Variants in KALRN observed in about 807,000 individuals in gnomAD.
KALRN encodes kalirin.
In KALRN, 70 loss-of-function variants were observed where a neutral mutation model predicts 353.7. The observed-to-expected ratio is 0.20, with a 90% CI of 0.16 to 0.24. The LOEUF (loss-of-function observed/expected upper bound fraction) is 0.24, where lower values mean the gene tolerates loss of function less well. KALRN is among the 10% of genes least tolerant of loss of function. The probability of loss-of-function intolerance (pLI) is 1.00; values close to 1 mark genes in which losing one functional copy is unlikely to be tolerated. For missense variants in KALRN, 2,791 were observed against 3,756.7 expected, an observed-to-expected ratio of 0.74 and a Z score of 6.72; for synonymous variants, 1,391 against 1,434.8, an observed-to-expected ratio of 0.97 and a Z score of 0.69.
intron 2 of KALRN, among the ~76,000 whole-genome samples, chr3:124,228,746 C>T (rs2078848227): frequency 6.6e-6 from 1 of 152,154 alleles, no homozygotes; most frequent in African/African-American, 2.4e-5. Flanking sequence ...CTTGCAACAA[C>T]AGAAAGTCAT....
At chr3:124,173,155 A>T (rs2072129816) in intron 1 of KALRN, among the ~76,000 whole-genome samples, 1 of 152,206 alleles carries the variant, frequency 6.6e-6, no homozygotes, top group South Asian at 2.1e-4. Flanking sequence ...AGAAGGAAGT[A>T]AATTAAAAAT....
intron 37 of KALRN, among the ~76,000 whole-genome samples, chr3:124,650,279 A>G (rs1002132484): frequency 4.6e-5 from 7 of 152,330 alleles, no homozygotes; most frequent in Non-Finnish European, 1.0e-4. Flanking sequence ...TTGTACAGCT[A>G]TTATCTCGGC....
At chr3:124,697,237 T>C (rs1044558657) in intron 54 of KALRN, among the ~76,000 whole-genome samples, 3 of 152,196 alleles carry the variant, frequency 2.0e-5, no homozygotes, top group African/African-American at 7.2e-5. Context: ...CCCTGCGACC[T>C]GGGGGAGAAA....
At chr3:124,361,240 A>C (rs1345600844) in intron 10 of KALRN, among the ~76,000 whole-genome samples, 1 of 152,204 alleles carries the variant, frequency 6.6e-6, no homozygotes, top group Non-Finnish European at 1.5e-5. Context: ...TTTTTTTCTA[A>C]AGGAAGTTTC....
At chr3:124,287,062 T>C (rs1477677870) in intron 5 of KALRN, among the ~76,000 whole-genome samples, 1 of 152,218 alleles carries the variant, frequency 6.6e-6, no homozygotes, top group African/African-American at 2.4e-5. Context: ...TATCTTTTTA[T>C]TAATCCTAGT....
At chr3:124,069,948 C>T (rs1006784266) in intron 1 of KALRN, among the ~76,000 whole-genome samples, 13 of 151,918 alleles carry the variant, frequency 8.6e-5, no homozygotes, top group East Asian at 1.9e-4. Context: ...GGCTGCTGTG[C>T]GAATGGGCTT....
At chr3:124,290,065 T>G (rs1035330690) in intron 5 of KALRN, among the ~76,000 whole-genome samples, 1 of 152,172 alleles carries the variant, frequency 6.6e-6, no homozygotes, top group African/African-American at 2.4e-5. Flanking sequence ...ATTGGAGGAT[T>G]GGTAAGCTTT....
chr3:124,688,310 C>CA (rs59265829), intron 51 of KALRN, among the ~76,000 whole-genome samples: 10,524 of 82,938 alleles, frequency 0.13, 792 homozygotes, highest in East Asian at 0.34. Context: ...GAGACCCTGT[C>CA]AAAAAAAAAA....
chr3:124,496,012 T>TATACACAC (rs1345047394), intron 32 of KALRN, among the ~76,000 whole-genome samples: 4 of 43,698 alleles, frequency 9.2e-5, no homozygotes, highest in Admixed American at 2.8e-4. Context: ...TATATATATA[T>TATACACAC]ACACACACAT....
At chr3:124,568,719 A>T (rs1212322896) in intron 34 of KALRN, among the ~76,000 whole-genome samples, 2 of 152,250 alleles carry the variant, frequency 1.3e-5, no homozygotes, top group East Asian at 3.8e-4. Flanking sequence ...GGACATTAGG[A>T]TAAGTGAAAC....
In KALRN at chr3:124,349,182, G is replaced by T. The variant is rs2082588577; in HGVS notation, c.1770+1917G>T. On this transcript the variant is annotated intron_variant, in intron 10 of 59. Coordinates refer to ENST00000682506, the MANE Select transcript of KALRN (RefSeq NM_001388419.1). Reference sequence around the variant, plus strand: ...GAATTCTAACATACGCTACAACATGGAGGAACCTTGAAGACATTATACTAA... The same window carrying T: ...GAATTCTAACATACGCTACAACATGTAGGAACCTTGAAGACATTATACTAA... Among the ~76,000 whole-genome samples, 6 of 152,290 alleles carry T rather than the reference G, an allele frequency of 3.9e-5. No homozygotes were observed. In the South Asian group the frequency reaches 1.2e-3, roughly 32 times the overall value.
intron 34 of KALRN, chr3:124,584,549 T>C (rs957152925): frequency 4.1e-5 from 49 of 1,186,866 alleles, no homozygotes; most frequent in Non-Finnish European, 5.1e-5. Flanking sequence ...CAGCGTTACA[T>C]GAGGCTCCGG....
chr3:124,703,026 C>T (rs775637081), intron 57 of KALRN, among the ~76,000 whole-genome samples: 1 of 152,064 alleles, frequency 6.6e-6, no homozygotes, highest in Admixed American at 6.6e-5. Context: ...GTTGCCCACC[C>T]GTAAGATCCT....
At chr3:124,558,203 A>G (rs1321070320) in intron 33 of KALRN, among the ~76,000 whole-genome samples, 1 of 152,202 alleles carries the variant, frequency 6.6e-6, no homozygotes, top group Non-Finnish European at 1.5e-5. Context: ...ACAACATGCC[A>G]TCAAAATTGA....
intron 13 of KALRN, among the ~76,000 whole-genome samples, chr3:124,402,800 AAT>A (rs1560819103): frequency 6.6e-6 from 1 of 152,226 alleles, no homozygotes; most frequent in African/African-American, 2.4e-5. Flanking sequence ...CCATATTTCA[AAT>A]AGTCTTCTGA....
chr3:124,306,297 AT>A (rs1157820426), intron 6 of KALRN, among the ~76,000 whole-genome samples: 1 of 151,880 alleles, frequency 6.6e-6, no homozygotes, highest in Non-Finnish European at 1.5e-5. Flanking sequence ...TGAGAGGCTT[AT>A]TTTTTTAAAG....
chr3:124,355,747 G>A (rs547231531), intron 10 of KALRN, among the ~76,000 whole-genome samples: 13 of 119,558 alleles, frequency 1.1e-4, no homozygotes, highest in Admixed American at 9.8e-4. Flanking sequence ...ACAGAGTCTC[G>A]CTCTGTCACC....
intron 5 of KALRN, among the ~76,000 whole-genome samples, chr3:124,294,831 T>C (rs1211998238): frequency 1.3e-5 from 2 of 152,202 alleles, no homozygotes; most frequent in East Asian, 3.8e-4. Context: ...GTGGAAAAAA[T>C]GCATTCTATA....
At chr3:124,143,335 C>A (rs187570923) in intron 1 of KALRN, among the ~76,000 whole-genome samples, 7 of 152,302 alleles carry the variant, frequency 4.6e-5, no homozygotes, top group Middle Eastern at 3.4e-3. Flanking sequence ...TTCAGGCAAT[C>A]CACATGGTTT....
Sources: gnomAD v4.1 joint callset for allele counts (sites outside exome capture counted in the v4.1 genomes callset) on GRCh38, gnomAD v4.1.1 for gene constraint, MANE v1.5 for transcripts, NCBI Gene and HGNC (gene_info 2026-07-23, HGNC 2026-07-21) for gene names.